Variants in CREB5 observed in about 807,000 individuals in gnomAD.
The protein encoded by CREB5 is cAMP responsive element binding protein 5.
CREB5 carries 19 observed loss-of-function variants against 57.1 expected under a neutral mutation model. That is an observed-to-expected ratio of 0.33 (90% CI 0.23 to 0.49). The LOEUF (loss-of-function observed/expected upper bound fraction) is 0.49, where lower values mean the gene tolerates loss of function less well. Among genes scored for constraint, CREB5 ranks in the 20% least tolerant of loss-of-function variants. The pLI is 0.99. For missense variants in CREB5, 579 were observed against 671.6 expected (o/e 0.86, Z 1.52); for synonymous variants, 238 against 238.3 (o/e 1.00, Z 0.01).
At chr7:28,667,613 A>C (rs1799876973) in intron 5 of CREB5, among the ~76,000 whole-genome samples, 1 of 151,358 alleles carries the variant, frequency 6.6e-6, no homozygotes, top group South Asian at 2.1e-4. Flanking sequence ...GAAAAAAAAG[A>C]TGAAACCGTT....
In CREB5 at chr7:28,820,414, A is replaced by AT. The variant is rs58545065; in HGVS notation, c.*1148dup. Reference sequence around the variant, plus strand: ...ATCAGCTGCTAATAGCCTAAGATTTATTTTTTTTTTTTTCTTAAGCCTATG... The same window carrying AT: ...ATCAGCTGCTAATAGCCTAAGATTTATTTTTTTTTTTTTTCTTAAGCCTATG... On this transcript the variant is annotated 3_prime_UTR_variant, in exon 11 of 11. Coordinates refer to ENST00000357727, the MANE Select transcript of CREB5 (RefSeq NM_182898.4). 0.67 allele frequency: 99,503 copies of AT among 147,544 alleles called. 33,543 individuals carry two copies. Among genetic ancestry groups the AT allele is most frequent in the Middle Eastern group, 0.71 (205 of 288 alleles). 9.1% of individuals were successfully genotyped at this position (147,544 alleles called of 1,614,324 possible). A position where few individuals can be genotyped will look rare whatever the true frequency, so the allele number is the denominator to read the frequency against.
At chr7:28,549,227 AG>A (rs1794529817) in intron 4 of CREB5, among the ~76,000 whole-genome samples, 1 of 152,234 alleles carries the variant, frequency 6.6e-6, no homozygotes, top group African/African-American at 2.4e-5. Flanking sequence ...AAAGCATATA[AG>A]TATGATCTAA....
chr7:28,738,791 G>C (rs1804178196), intron 7 of CREB5, among the ~76,000 whole-genome samples: 1 of 152,144 alleles, frequency 6.6e-6, no homozygotes, highest in South Asian at 2.1e-4. Context: ...TCATCTCTTA[G>C]TTCCCAGCTC....
chr7:28,300,050 CTTTATTTATTTATTTA>C (rs150788504), intron 1 of CREB5, among the ~76,000 whole-genome samples: 3,351 of 144,392 alleles, frequency 0.023, 84 homozygotes, highest in African/African-American at 0.055. Flanking sequence ...TGCTTTTTAG[CTTTATTTATTTATTTA>C]TTTATTTATT....
intron 1 of CREB5, among the ~76,000 whole-genome samples, chr7:28,442,209 C>A (rs541778793): frequency 1.3e-5 from 2 of 152,252 alleles, no homozygotes; most frequent in African/African-American, 4.8e-5. Context: ...CTTCCTGTGC[C>A]TGACTTATTT....
In CREB5 at chr7:28,598,220, G is replaced by C. The variant is rs572679914; in HGVS notation, c.464+27683G>C. Among the ~76,000 whole-genome samples, 488 of 152,224 alleles carry C rather than the reference G, an allele frequency of 3.2e-3. 1 individual carries two copies. The highest frequency in any genetic ancestry group is 5.7e-3 in the Non-Finnish European group (391 of 68,022). The stretch of plus-strand genomic sequence containing the variant: ...CTCACGAGATCTGATGGGTTTGTCA[G>C]GGGTTTCCGCTTTTGCTTCTTCCTC... On this transcript the variant is annotated intron_variant, in intron 5 of 10. Coordinates refer to ENST00000357727, the MANE Select transcript of CREB5 (RefSeq NM_182898.4).
chr7:28,513,963 A>G (rs1410421334), intron 4 of CREB5: 2 of 152,190 alleles, frequency 1.3e-5, no homozygotes, highest in East Asian at 3.9e-4. Flanking sequence ...GTAGCAATAT[A>G]CATAGTCTAT....
intron 1 of CREB5, among the ~76,000 whole-genome samples, chr7:28,398,077 T>C (rs1030643717): frequency 6.6e-6 from 1 of 152,194 alleles, no homozygotes; most frequent in Admixed American, 6.5e-5. Context: ...AGAGAAACTT[T>C]GTCGCCATTA....
intron 4 of CREB5, among the ~76,000 whole-genome samples, chr7:28,522,779 G>T (rs1376067410): frequency 6.6e-6 from 1 of 152,228 alleles, no homozygotes; most frequent in African/African-American, 2.4e-5. Flanking sequence ...TTCTGCAGAT[G>T]TGGCTAGAGA....
At chr7:28,727,438 A>C (rs576327292) in intron 7 of CREB5, among the ~76,000 whole-genome samples, 8 of 152,256 alleles carry the variant, frequency 5.3e-5, no homozygotes, top group African/African-American at 1.7e-4. Flanking sequence ...GACATTTTTA[A>C]CATTCAAAGG....
rs902184726 is a variant in CREB5, at chr7:28,766,181, G to C, written c.703-38018G>C. The stretch of plus-strand genomic sequence containing the variant: ...TATAATTCATTAGTTTAGCCACTAT[G>C]CTTATTTTCTTTGTTATGCACCATC... On this transcript the variant is annotated intron_variant, in intron 7 of 10. Transcript: ENST00000357727. Among the ~76,000 whole-genome samples the C allele has an allele frequency of 2.0e-5, 3 of 152,012 alleles. No individual in the cohort carries two copies. The East Asian group carries it at 5.8e-4, about 29-fold the overall frequency.
chr7:28,593,179 A>G (rs1403760983), intron 5 of CREB5, among the ~76,000 whole-genome samples: 2 of 152,216 alleles, frequency 1.3e-5, no homozygotes, highest in Non-Finnish European at 2.9e-5. Flanking sequence ...AGGTGTGTGT[A>G]CCACCATAGC....
chr7:28,518,298 C>CA (rs1232759588), intron 4 of CREB5, among the ~76,000 whole-genome samples: 1 of 152,166 alleles, frequency 6.6e-6, no homozygotes, highest in Non-Finnish European at 1.5e-5. Context: ...TCAGGCTCTG[C>CA]AAGCAGTCAC....
intron 1 of CREB5, among the ~76,000 whole-genome samples, chr7:28,430,839 T>G (rs1788681771): frequency 6.6e-6 from 1 of 152,196 alleles, no homozygotes; most frequent in Non-Finnish European, 1.5e-5. Flanking sequence ...TTTGTGTCTC[T>G]GCTCTGGATC....
intron 1 of CREB5, among the ~76,000 whole-genome samples, chr7:28,423,724 G>A (rs766801631): frequency 1.3e-5 from 2 of 152,140 alleles, no homozygotes; most frequent in Non-Finnish European, 2.9e-5. Context: ...AACAGAAAAT[G>A]GCTGTGAACA....
intron 5 of CREB5, among the ~76,000 whole-genome samples, chr7:28,650,021 C>T (rs1027936312): frequency 7.2e-5 from 11 of 152,122 alleles, no homozygotes; most frequent in African/African-American, 2.2e-4. Flanking sequence ...TGTGCAAAAC[C>T]GGTAGATAAC....
At chr7:28,403,213 A>G (rs1217038792) in intron 1 of CREB5, among the ~76,000 whole-genome samples, 1 of 152,206 alleles carries the variant, frequency 6.6e-6, no homozygotes, top group Non-Finnish European at 1.5e-5. Flanking sequence ...CTTCAAATAC[A>G]GCTGGCTTAT....
chr7:28,623,420 A>T (rs533672258), intron 5 of CREB5, among the ~76,000 whole-genome samples: 1 of 152,250 alleles, frequency 6.6e-6, no homozygotes, highest in East Asian at 1.9e-4. Flanking sequence ...AAATAGCTTT[A>T]TAGATCAAAC....
chr7:28,562,825 C>T (rs998085286), intron 4 of CREB5, among the ~76,000 whole-genome samples: 1 of 152,116 alleles, frequency 6.6e-6, no homozygotes, highest in Non-Finnish European at 1.5e-5. Context: ...GACCACATAC[C>T]AATATTAATT....
Sources: gnomAD v4.1 joint callset for allele counts (sites outside exome capture counted in the v4.1 genomes callset) on GRCh38, gnomAD v4.1.1 for gene constraint, MANE v1.5 for transcripts, NCBI Gene and HGNC (gene_info 2026-07-23, HGNC 2026-07-21) for gene names.